ATG7: variants seen among roughly 807,000 people sequenced by gnomAD.
The protein encoded by ATG7 is ubiquitin-like modifier-activating enzyme ATG7.
In ATG7, 70 loss-of-function variants were observed where a neutral mutation model predicts 82.4. The observed-to-expected ratio is 0.85, with a 90% CI of 0.70 to 1.04. The LOEUF (loss-of-function observed/expected upper bound fraction) is 1.04. Among genes scored for constraint, ATG7 ranks in the 50% least tolerant of loss-of-function variants. The probability of loss-of-function intolerance (pLI) is 0.00; values close to 1 mark genes in which losing one functional copy is unlikely to be tolerated. For missense variants in ATG7, 792 were observed against 864.3 expected, an observed-to-expected ratio of 0.92 and a Z score of 1.05; for synonymous variants, 287 against 313.0, an observed-to-expected ratio of 0.92 and a Z score of 0.88.
chr3:11,404,508 CT>C (rs2080146743), intron 19 of ATG7, among the ~76,000 whole-genome samples: 1 of 151,770 alleles, frequency 6.6e-6, no homozygotes, highest in Non-Finnish European at 1.5e-5. Context: ...CTTTTATCTC[CT>C]GCTTGCATTC....
intron 20 of ATG7, among the ~76,000 whole-genome samples, chr3:11,547,293 A>G (rs2071378787): frequency 6.6e-6 from 1 of 152,194 alleles, no homozygotes; most frequent in African/African-American, 2.4e-5. Flanking sequence ...GGGGGCAAAC[A>G]TGTGACACCA....
intron 20 of ATG7, among the ~76,000 whole-genome samples, chr3:11,537,593 A>T (rs1575238879): frequency 6.6e-6 from 1 of 152,198 alleles, no homozygotes; most frequent in Non-Finnish European, 1.5e-5. Flanking sequence ...GGTCACAATG[A>T]GAGTGATTAT....
chr3:11,342,024 G>A (rs1953721762), intron 12 of ATG7, 111 bp from the exon 13 acceptor site: 1 of 1,285,862 alleles, frequency 7.8e-7, no homozygotes, highest in East Asian at 2.6e-5. Context: ...TTTTTCCTTT[G>A]ATCCCAATTT....
At chr3:11,573,287 GAAA>G in the ATG7 span, among the ~76,000 whole-genome samples, 373 of 9,946 alleles carry the variant, frequency 0.038, 37 homozygotes, top group Admixed American at 0.047. Context: ...AAGAAAGAAA[GAAA>G]GAAAGAAAGA....
intron 7 of ATG7, 142 bp from the exon 8 acceptor site, chr3:11,313,162 A>T (rs1236239346): frequency 2.0e-6 from 1 of 500,214 alleles, no homozygotes; most frequent in East Asian, 3.2e-5. Flanking sequence ...TCTGTTGGGG[A>T]TGAGGATATT....
chr3:11,563,997 A>G, the ATG7 span, among the ~76,000 whole-genome samples: 2 of 152,174 alleles, frequency 1.3e-5, no homozygotes, highest in Non-Finnish European at 2.9e-5. Flanking sequence ...TTGCAGCTGA[A>G]TGCACAGAGC....
intron 9 of ATG7, among the ~76,000 whole-genome samples, chr3:11,316,411 G>A (rs1484728470): frequency 6.6e-6 from 1 of 151,988 alleles, no homozygotes; most frequent in African/African-American, 2.4e-5. Context: ...TCCTCGTGTT[G>A]TATCATCTTC....
chr3:11,309,879 A>C (rs1478066436), intron 7 of ATG7, among the ~76,000 whole-genome samples: 1 of 152,190 alleles, frequency 6.6e-6, no homozygotes, highest in African/African-American at 2.4e-5. Flanking sequence ...ATTCACTGTT[A>C]TAAAAAATGC....
intron 20 of ATG7, among the ~76,000 whole-genome samples, chr3:11,507,179 G>A (rs1170165289): frequency 6.6e-6 from 1 of 152,164 alleles, no homozygotes; most frequent in African/African-American, 2.4e-5. Flanking sequence ...CTACTCAGGA[G>A]GCTGAGGCAG....
intron 20 of ATG7, among the ~76,000 whole-genome samples, chr3:11,525,830 A>T (rs1292672642): frequency 6.6e-6 from 1 of 152,126 alleles, no homozygotes; most frequent in Non-Finnish European, 1.5e-5. Context: ...CTGGGATTAC[A>T]GGTGTGAGCC....
chr3:11,319,115 G>C (rs1317960803), intron 9 of ATG7, among the ~76,000 whole-genome samples: 2 of 152,228 alleles, frequency 1.3e-5, no homozygotes, highest in Non-Finnish European at 2.9e-5. Context: ...AGAGGAAAGA[G>C]AGAGAATTGT....
At chr3:11,418,360 A>G (rs1294791382) in intron 19 of ATG7, among the ~76,000 whole-genome samples, 2 of 150,578 alleles carry the variant, frequency 1.3e-5, no homozygotes, top group Admixed American at 6.6e-5. Context: ...TGATCCTCCT[A>G]TCTCAGCTCC....
downstream of ATG7, chr3:11,558,409 CAA>C (rs553095730): frequency 1.8e-4 from 239 of 1,322,636 alleles, no homozygotes; most frequent in African/African-American, 3.2e-3. Context: ...AAACAGAACA[CAA>C]ATCCCAACAA....
chr3:11,341,932 C>G (rs561483686), intron 12 of ATG7, among the ~76,000 whole-genome samples: 2 of 152,306 alleles, frequency 1.3e-5, no homozygotes, highest in Admixed American at 6.5e-5. Flanking sequence ...AAATCTGTGG[C>G]CCCCTCGTTG....
At chr3:11,346,725 T>C (rs898141757) in intron 13 of ATG7, among the ~76,000 whole-genome samples, 3 of 152,164 alleles carry the variant, frequency 2.0e-5, no homozygotes, top group South Asian at 2.1e-4. Flanking sequence ...AAATAAACAT[T>C]CCCAAAGCAA....
chr3:11,355,159 C>G (rs1049408544), intron 14 of ATG7, among the ~76,000 whole-genome samples: 1 of 152,204 alleles, frequency 6.6e-6, no homozygotes, highest in Non-Finnish European at 1.5e-5. Flanking sequence ...CAAAAACACA[C>G]TACCAGAGAG....
rs895532910 is a variant in ATG7, at chr3:11,421,407, A to T, written c.1957-5397A>T. Among the ~76,000 whole-genome samples, 10 of 152,346 alleles carry T rather than the reference A, an allele frequency of 6.6e-5. No homozygotes were observed. The South Asian group carries it at 1.0e-3, about 16-fold the overall frequency. On this transcript the variant is annotated intron_variant, in intron 19 of 20. Transcript: ENST00000693202. ...TTGTCATTTCAACAATGTTCACAGC[A>T]TCTTCATCAGGAATAGATTCCATCT...
At chr3:11,316,258 C>T (rs374594369) in intron 9 of ATG7, among the ~76,000 whole-genome samples, 1 of 152,194 alleles carries the variant, frequency 6.6e-6, no homozygotes, top group Non-Finnish European at 1.5e-5. Context: ...TGTCTTCCTT[C>T]TGGCTCCAAG....
the ATG7 span, chr3:11,564,871 G>C: frequency 1.2e-6 from 2 of 1,608,922 alleles, no homozygotes; most frequent in South Asian, 1.1e-5. Flanking sequence ...TTCTTGGTCA[G>C]TGCGAGGGGC....
Sources: allele counts gnomAD v4.1 joint callset (sites outside exome capture counted in the v4.1 genomes callset), GRCh38; gene constraint gnomAD v4.1.1; transcripts MANE v1.5; gene names NCBI Gene and HGNC (gene_info 2026-07-23, HGNC 2026-07-21).